Variants in SEC22A observed in about 807,000 individuals in gnomAD.
SEC22A encodes the protein SEC22 homolog A, vesicle trafficking protein, also known as vesicle-trafficking protein SEC22a.
In SEC22A, 22 loss-of-function variants were observed where a neutral mutation model predicts 35.3. The observed-to-expected ratio is 0.62, with a 90% CI of 0.45 to 0.89. SEC22A has a LOEUF of 0.89. Ranked by LOEUF, SEC22A falls within the 40% of genes least tolerant of loss-of-function variation. The pLI is 0.00. For missense variants in SEC22A, 354 were observed against 362.5 expected, an observed-to-expected ratio of 0.98 and a Z score of 0.19; for synonymous variants, 119 against 129.5, an observed-to-expected ratio of 0.92 and a Z score of 0.55.
At chr3:123,232,124 G>A (rs757335811) in intron 4 of SEC22A, among the ~76,000 whole-genome samples, 19 of 152,010 alleles carry the variant, frequency 1.2e-4, no homozygotes, top group Non-Finnish European at 1.0e-4. Flanking sequence ...CCTGTAATCC[G>A]AGCTGCTCAG....
At chr3:123,257,485 T>A (rs1363647058) in intron 5 of SEC22A, among the ~76,000 whole-genome samples, 1 of 147,724 alleles carries the variant, frequency 6.8e-6, no homozygotes, top group African/African-American at 2.5e-5. Context: ...TCACTTGAAG[T>A]CAGGAGTTCA....
At chr3:123,254,684 A>C (rs1368164106) in intron 5 of SEC22A, among the ~76,000 whole-genome samples, 1 of 152,168 alleles carries the variant, frequency 6.6e-6, no homozygotes, top group Admixed American at 6.5e-5. Context: ...ATTTTTTGAG[A>C]GAGTAGACTA....
chr3:123,213,307 T>C (rs1486076008), intron 2 of SEC22A, among the ~76,000 whole-genome samples: 2 of 152,234 alleles, frequency 1.3e-5, no homozygotes, highest in African/African-American at 4.8e-5. Flanking sequence ...ATTGAGAATT[T>C]GTGTGTGTTA....
intron 2 of SEC22A, among the ~76,000 whole-genome samples, chr3:123,216,639 A>T (rs1266494367): frequency 6.6e-6 from 1 of 152,226 alleles, no homozygotes; most frequent in African/African-American, 2.4e-5. Context: ...AAGTGAGAAA[A>T]TAGAAAGTTC....
chr3:123,256,667 T>C (rs894401684), intron 5 of SEC22A, among the ~76,000 whole-genome samples: 3 of 152,116 alleles, frequency 2.0e-5, no homozygotes, highest in African/African-American at 4.8e-5. Context: ...CCATCAGTTA[T>C]CACTTTGGGT....
chr3:123,264,123 G>T (rs561087270), intron 6 of SEC22A, among the ~76,000 whole-genome samples: 1 of 151,996 alleles, frequency 6.6e-6, no homozygotes, highest in South Asian at 2.1e-4. Flanking sequence ...TGCCCAGGCT[G>T]GTCTTGGACT....
At chr3:123,238,792 A>G (rs1373958021) in intron 4 of SEC22A, among the ~76,000 whole-genome samples, 1 of 152,052 alleles carries the variant, frequency 6.6e-6, no homozygotes, top group African/African-American at 2.4e-5. Flanking sequence ...TTATCTTGCC[A>G]TACTTATTTT....
chr3:123,230,782 C>A (rs1937312796), intron 4 of SEC22A, among the ~76,000 whole-genome samples: 1 of 146,734 alleles, frequency 6.8e-6, no homozygotes, highest in African/African-American at 2.5e-5. Context: ...GAAAAAATGG[C>A]AGATGTAAAT....
At chr3:123,227,037 C>T (rs533791931) in intron 4 of SEC22A, among the ~76,000 whole-genome samples, 9 of 152,254 alleles carry the variant, frequency 5.9e-5, no homozygotes, top group South Asian at 2.1e-4. Context: ...TTGACTGTCA[C>T]GGAAGGTGTA....
intron 6 of SEC22A, among the ~76,000 whole-genome samples, chr3:123,269,625 ATTTTTTTTT>A (rs35895285): frequency 0.043 from 3,893 of 89,652 alleles, 180 homozygotes; most frequent in African/African-American, 0.14. Context: ...AAGGACATGA[ATTTTTTTTT>A]TTTTTTTTTT....
intron 5 of SEC22A, among the ~76,000 whole-genome samples, chr3:123,256,595 C>G (rs957495262): frequency 2.0e-5 from 3 of 152,060 alleles, no homozygotes; most frequent in Non-Finnish European, 4.4e-5. Flanking sequence ...TTTCTTTTTT[C>G]TCTATGCAGA....
At chr3:123,245,364 T>C (rs1372258703) in intron 4 of SEC22A, among the ~76,000 whole-genome samples, 1 of 152,216 alleles carries the variant, frequency 6.6e-6, no homozygotes, top group Non-Finnish European at 1.5e-5. Context: ...CCCTTAGCAC[T>C]GTCTATCCCA....
chr3:123,255,014 A>T (rs979649752), intron 5 of SEC22A, among the ~76,000 whole-genome samples: 1 of 151,880 alleles, frequency 6.6e-6, no homozygotes, highest in African/African-American at 2.4e-5. Flanking sequence ...ATTCTCTCAG[A>T]TATCCACCAT....
chr3:123,233,120 A>T lies in SEC22A; in HGVS notation c.541+7823A>T, dbSNP rs370714983. Among the ~76,000 whole-genome samples the T allele has an allele frequency of 1.6e-4, 25 of 152,290 alleles. 1 individual carries two copies. Among genetic ancestry groups the T allele is most frequent in the African/African-American group, 5.3e-4 (22 of 41,562 alleles). On this transcript the variant is annotated intron_variant, in intron 4 of 6. Coordinates refer to ENST00000492595, the MANE Select transcript of SEC22A (RefSeq NM_012430.5). ...ACTCCAGCCTGGGTGACAGAGCAAG[A>T]CCATGTCTCTAAAAGAAAAAATTAC...
chr3:123,260,169 A>AAAAAAAAAAC lies in SEC22A; in HGVS notation c.723+580_723+581insAAAAAAAAAC, dbSNP rs1559763879. Among the ~76,000 whole-genome samples the AAAAAAAAAAC allele has an allele frequency of 1.6e-4, 18 of 114,834 alleles. 1 individual carries two copies. The highest frequency in any genetic ancestry group is 5.9e-4 in the African/African-American group (17 of 28,756). 75.3% of individuals were successfully genotyped at this position (114,834 alleles called of 152,430 possible). A position where few individuals can be genotyped will look rare whatever the true frequency, so the allele number is the denominator to read the frequency against. On this transcript the variant is annotated intron_variant, in intron 6 of 6. Coordinates refer to ENST00000492595, the MANE Select transcript of SEC22A (RefSeq NM_012430.5). ...AAAAAAAAAAAAAAAAAAAAAAAAAACTACTAGATTTTCTGGTGGTTGATT... is the reference window on the plus strand; with the variant it reads ...AAAAAAAAAAAAAAAAAAAAAAAAAAAAAAAAAAACCTACTAGATTTTCTGGTGGTTGATT...
At chr3:123,204,080 G>C (rs2108021025) in intron 1 of SEC22A, among the ~76,000 whole-genome samples, 1 of 152,212 alleles carries the variant, frequency 6.6e-6, no homozygotes, top group Non-Finnish European at 1.5e-5. Flanking sequence ...TACCATATTG[G>C]TATTGTTTCC....
rs1025087015 is a variant in SEC22A, at chr3:123,201,980, T to A, written c.-26T>A. On this transcript the variant is annotated 5_prime_UTR_variant, in exon 1 of 7. Transcript: ENST00000492595. ...GTCACTCGGAGCGGCGGGTCCCGTCTCGACAGGTACTCCCCGGCCCCTCCC... is the reference window on the plus strand; with the variant it reads ...GTCACTCGGAGCGGCGGGTCCCGTCACGACAGGTACTCCCCGGCCCCTCCC... The A allele has an allele frequency of 6.6e-6, 1 of 152,578 alleles. No homozygotes were observed. Among genetic ancestry groups the A allele is most frequent in the African/African-American group, 2.4e-5 (1 of 41,412 alleles). The allele number at this position is 152,578 out of a possible 1,614,324, so 9.5% of individuals were successfully genotyped here. A position where few individuals can be genotyped will look rare whatever the true frequency, so the allele number is the denominator to read the frequency against.
chr3:123,206,602 AAAATT>A (rs1047086753), intron 1 of SEC22A, among the ~76,000 whole-genome samples: 4 of 152,148 alleles, frequency 2.6e-5, no homozygotes, highest in Non-Finnish European at 4.4e-5. Flanking sequence ...TGGTAAAAAA[AAAATT>A]AAAGAGGGGT....
At chr3:123,221,402 C>T (rs536191365) in intron 2 of SEC22A, among the ~76,000 whole-genome samples, 2 of 128,558 alleles carry the variant, frequency 1.6e-5, no homozygotes, top group Non-Finnish European at 3.1e-5. Flanking sequence ...ACCCGGGAGG[C>T]GGAGGTTGCA....
Sources: gnomAD v4.1 joint callset for allele counts (sites outside exome capture counted in the v4.1 genomes callset) on GRCh38, gnomAD v4.1.1 for gene constraint, MANE v1.5 for transcripts, NCBI Gene and HGNC (gene_info 2026-07-23, HGNC 2026-07-21) for gene names.